SASH1: variants seen among roughly 807,000 people sequenced by gnomAD.
SASH1 encodes the protein SAM and SH3 domain containing 1.
SASH1 carries 44 observed loss-of-function variants against 125.2 expected under a neutral mutation model. The observed-to-expected ratio is 0.35, with a 90% CI of 0.28 to 0.45. The LOEUF (loss-of-function observed/expected upper bound fraction) is 0.45. SASH1 is among the 20% of genes least tolerant of loss of function. The pLI is 1.00. For missense variants in SASH1, 1,426 were observed against 1,614.5 expected (o/e 0.88, Z 2.00); for synonymous variants, 639 against 649.1 (o/e 0.98, Z 0.24).
chr6:148,471,386 C>CTTTTTTTTT (rs35487674), intron 5 of SASH1, 31 bp from the exon 6 acceptor site: 42 of 503,568 alleles, frequency 8.3e-5, no homozygotes, highest in South Asian at 2.1e-4. Context: ...GCTTTTTGTT[C>CTTTTTTTTT]TTTTTTTTTT....
At chr6:148,350,593 C>G (rs1205006820) in intron 1 of SASH1, among the ~76,000 whole-genome samples, 1 of 152,166 alleles carries the variant, frequency 6.6e-6, no homozygotes, top group Non-Finnish European at 1.5e-5. Context: ...TTTAAGAGTG[C>G]TGTGGTGCTA....
intron 4 of SASH1, among the ~76,000 whole-genome samples, chr6:148,460,445 G>C (rs1481507483): frequency 6.6e-6 from 1 of 150,464 alleles, no homozygotes; most frequent in African/African-American, 2.4e-5. Flanking sequence ...CTTTGAACCA[G>C]AATTAAAGAT....
At chr6:148,523,364 A>G (rs1272399143) in intron 10 of SASH1, among the ~76,000 whole-genome samples, 1 of 152,242 alleles carries the variant, frequency 6.6e-6, no homozygotes, top group African/African-American at 2.4e-5. Context: ...AATGTTAAAA[A>G]TTAGCCTTGA....
At chr6:148,325,261 T>TGTTGTTGTTGTTGTTGTTGTTGTTG (rs1554235038) in intron 1 of SASH1, among the ~76,000 whole-genome samples, 1 of 149,878 alleles carries the variant, frequency 6.7e-6, no homozygotes, top group South Asian at 2.1e-4. Context: ...AAAAGCCTCT[T>TGTTGTTGTTGTTGTTGTTGTTGTTG]TTGTTGTTGT....
chr6:148,296,063 A>G (rs4896987), intron 1 of SASH1, among the ~76,000 whole-genome samples: 67,896 of 151,932 alleles, frequency 0.45, 15,598 homozygotes, highest in African/African-American at 0.56. Flanking sequence ...TAAAGGAGGG[A>G]ATACTTGTTA....
At chr6:148,394,863 C>T (rs868280135) in intron 2 of SASH1, among the ~76,000 whole-genome samples, 1 of 152,132 alleles carries the variant, frequency 6.6e-6, no homozygotes, top group East Asian at 1.9e-4. Context: ...AGGCTGGTCT[C>T]AAACTCCTGA....
At chr6:148,547,207 T>C (rs933937284) in intron 19 of SASH1, among the ~76,000 whole-genome samples, 6 of 152,154 alleles carry the variant, frequency 3.9e-5, no homozygotes. Context: ...TGGGGGCCAT[T>C]GTAAGGTCAA....
intron 2 of SASH1, among the ~76,000 whole-genome samples, chr6:148,402,171 A>G (rs1037210899): frequency 3.3e-5 from 5 of 152,166 alleles, no homozygotes; most frequent in African/African-American, 1.2e-4. Context: ...CATCAGTTTC[A>G]CTTCACATGT....
At chr6:148,362,368 A>G (rs1216389212) in intron 1 of SASH1, among the ~76,000 whole-genome samples, 2 of 151,578 alleles carry the variant, frequency 1.3e-5, no homozygotes, top group Non-Finnish European at 1.5e-5. Flanking sequence ...GATTACAGGC[A>G]TGTGCCACCA....
chr6:148,346,831 T>C (rs1781537060), intron 1 of SASH1, among the ~76,000 whole-genome samples: 1 of 152,228 alleles, frequency 6.6e-6, no homozygotes, highest in Admixed American at 6.5e-5. Flanking sequence ...TTATAAGCCC[T>C]GAGCTATTAA....
chr6:148,211,824 G>T, the SASH1 span, among the ~76,000 whole-genome samples: 27 of 152,116 alleles, frequency 1.8e-4, no homozygotes, highest in Non-Finnish European at 4.0e-4. Context: ...GCTGCTCCCT[G>T]TCGTGACTGC....
rs193081976 is a variant in SASH1 at position 148,387,858 on chromosome 6, C to A, written c.157-2276C>A. Among the ~76,000 whole-genome samples, 608 of 150,384 alleles carry A rather than the reference C, an allele frequency of 4.0e-3. 22 individuals carry two copies. Among genetic ancestry groups the A allele is most frequent in the Admixed American group, 0.039 (578 of 14,952 alleles). On this transcript the variant is annotated intron_variant, in intron 1 of 19. Transcript: ENST00000367467. ...GGCTCAGGTGATTCTCCTGCTTCAG[C>A]CTCCTGAGTAGCTGGGATTACAGGT...
intron 1 of SASH1, among the ~76,000 whole-genome samples, chr6:148,364,085 C>G (rs960755546): frequency 2.0e-5 from 3 of 152,086 alleles, no homozygotes; most frequent in Non-Finnish European, 4.4e-5. Flanking sequence ...CCCAGCTCAT[C>G]GGCAGCCCAT....
At chr6:148,531,410 C>A in intron 12 of SASH1, 116 bp from the exon 13 acceptor site, 1 of 888,056 alleles carries the variant, frequency 1.1e-6, no homozygotes, top group Non-Finnish European at 1.6e-6. Flanking sequence ...GTTATAGAAT[C>A]AAATATAGGT....
chr6:148,357,772 A>G (rs888442122), intron 1 of SASH1, among the ~76,000 whole-genome samples: 1 of 151,946 alleles, frequency 6.6e-6, no homozygotes, highest in Non-Finnish European at 1.5e-5. Context: ...CACCTAAAAG[A>G]TTTTCGGCCA....
chr6:148,525,225 G>T (rs1781071413), intron 10 of SASH1, 66 bp from the exon 11 acceptor site: 1 of 1,131,612 alleles, frequency 8.8e-7, no homozygotes, highest in African/African-American at 1.5e-5. Context: ...GGGACTGCTG[G>T]GTTGGTGCAC....
In SASH1 at chr6:148,281,645, G is replaced by A. The variant is rs147050654; in HGVS notation, n.74+9268G>A. ...AATTTTAAAAAGAAAATTCCAGGCC[G>A]GGCGCGGTGGCTCACGCCTGTAATC... On this transcript the variant is annotated intron_variant and non_coding_transcript_variant, in intron 1 of 3. Coordinates refer to the SASH1 transcript ENST00000367469. 5.8e-3 allele frequency among the ~76,000 whole-genome samples: 887 copies of A among 152,202 alleles called. 9 individuals carry two copies. Among genetic ancestry groups the A allele is most frequent in the Middle Eastern group, 0.041 (12 of 292 alleles).
the SASH1 span, among the ~76,000 whole-genome samples, chr6:148,207,352 T>TGTGGCTA: frequency 2.0e-5 from 3 of 152,240 alleles, no homozygotes; most frequent in Non-Finnish European, 4.4e-5. Context: ...TATAGACTCA[T>TGTGGCTA]GTGGCTAGTG....
chr6:148,471,287 T>A (rs1196734149), intron 5 of SASH1, 130 bp from the exon 6 acceptor site: 4 of 629,242 alleles, frequency 6.4e-6, no homozygotes, highest in Non-Finnish European at 1.1e-5. Context: ...AAGAAAAAAC[T>A]GTCCTTTTGT....
Sources: allele counts gnomAD v4.1 joint callset (sites outside exome capture counted in the v4.1 genomes callset), GRCh38; gene constraint gnomAD v4.1.1; transcripts MANE v1.5; gene names NCBI Gene and HGNC (gene_info 2026-07-23, HGNC 2026-07-21).